The following IPP variants were observed in gnomAD, a reference collection of about 807,000 sequenced individuals.
IPP encodes the protein actin-binding protein IPP.
A neutral mutation model predicts 64.1 loss-of-function variants in IPP; 41 were observed. That is an observed-to-expected ratio of 0.64 (90% confidence interval 0.50 to 0.83). IPP has a LOEUF of 0.83. Among genes scored for constraint, IPP ranks in the 40% least tolerant of loss-of-function variants. The probability of loss-of-function intolerance (pLI) is 0.00; values close to 1 mark genes in which losing one functional copy is unlikely to be tolerated. For synonymous variants in IPP, 214 were observed against 235.2 expected, an observed-to-expected ratio of 0.91 and a Z score of 0.83; for missense variants, 649 against 703.0, an observed-to-expected ratio of 0.92 and a Z score of 0.87.
intron 7 of IPP, among the ~76,000 whole-genome samples, chr1:45,715,584 T>C (rs1440224494): frequency 1.3e-5 from 2 of 150,508 alleles, no homozygotes; most frequent in Non-Finnish European, 2.9e-5. Context: ...GAGCTTGCAC[T>C]GAGCCAAGAT....
chr1:45,699,956 G>T lies in IPP; in HGVS notation c.*10C>A. On this transcript the variant is annotated 3_prime_UTR_variant, in exon 9 of 9. Coordinates refer to ENST00000396478, the MANE Select transcript of IPP (RefSeq NM_005897.3). Reference sequence around the variant, plus strand: ...CAAAATGTTCCTTGTGCTCTGTTATGCTTTATATTTCATAGCACAGCAACG... The same window carrying T: ...CAAAATGTTCCTTGTGCTCTGTTATTCTTTATATTTCATAGCACAGCAACG... The T allele has an allele frequency of 6.2e-7, 1 of 1,613,880 alleles. No homozygotes were observed. Among genetic ancestry groups the T allele is most frequent in the African/African-American group, 1.3e-5 (1 of 75,056 alleles).
intron 3 of IPP, among the ~76,000 whole-genome samples, chr1:45,734,341 C>T (rs1270424553): frequency 6.6e-6 from 1 of 151,894 alleles, no homozygotes; most frequent in Non-Finnish European, 1.5e-5. Flanking sequence ...GTTATTACTT[C>T]AGTTTCTTCT....
rs1232768769 is a variant in IPP, at chr1:45,716,976, A to G, written c.1228T>C (p.Phe410Leu). ...GAEIGNTIER[F>L]DPDENKWEVV... ...TCCCATTTATTTTCATCAGGATCAAATCGTTCAATGGTGTTCCCTATCTCA... is the reference window on the plus strand; with the variant it reads ...TCCCATTTATTTTCATCAGGATCAAGTCGTTCAATGGTGTTCCCTATCTCA... The change falls in exon 7 of 9, where the codon TTT becomes CTT. Residue 410 changes from phenylalanine (F) to leucine (L), a missense_variant. By Grantham distance (22) the Phe-to-Leu change is conservative (BLOSUM62 0). Transcript: ENST00000396478. The G allele has an allele frequency of 1.2e-6, 2 of 1,613,452 alleles. No homozygotes were observed. Among genetic ancestry groups the G allele is most frequent in the African/African-American group, 2.7e-5 (2 of 75,024 alleles).
chr1:45,732,468 C>T (rs1645923660), intron 3 of IPP, among the ~76,000 whole-genome samples: 1 of 149,570 alleles, frequency 6.7e-6, no homozygotes, highest in Admixed American at 6.7e-5. Flanking sequence ...AATGAAATGA[C>T]AGTATTGTAG....
intron 3 of IPP, among the ~76,000 whole-genome samples, chr1:45,736,175 C>A (rs936500211): frequency 6.6e-6 from 1 of 151,628 alleles, no homozygotes; most frequent in Non-Finnish European, 1.5e-5. Context: ...CCAGGCTAGT[C>A]TCAAACTCCT....
intron 1 of IPP, among the ~76,000 whole-genome samples, chr1:45,750,090 C>G (rs1016499178): frequency 3.3e-5 from 5 of 152,092 alleles, no homozygotes; most frequent in Non-Finnish European, 5.9e-5. Flanking sequence ...TAGAAATGCC[C>G]AGAGGAACTA....
downstream of IPP, among the ~76,000 whole-genome samples, chr1:45,697,548 G>A (rs1334355633): frequency 2.0e-5 from 3 of 151,982 alleles, no homozygotes; most frequent in Non-Finnish European, 4.4e-5. Flanking sequence ...CACGGTGCCC[G>A]GCCTAAACCA....
At chr1:45,725,044 C>T (rs1645795414) in intron 5 of IPP, among the ~76,000 whole-genome samples, 1 of 148,334 alleles carries the variant, frequency 6.7e-6, no homozygotes. Flanking sequence ...CCCGGCCAGC[C>T]GCCCCGTCCG....
At chr1:45,735,289 G>C (rs1645962060) in intron 3 of IPP, among the ~76,000 whole-genome samples, 1 of 151,664 alleles carries the variant, frequency 6.6e-6, no homozygotes, top group Admixed American at 6.6e-5. Flanking sequence ...TCACCATATT[G>C]GCCAGGCTGG....
chr1:45,729,593 CT>C lies in IPP; in HGVS notation c.880+20del. ...TGGAACACAAATATAATTTCTATTA[CT>C]TTTTTAAGGGCTCTCTCACCTACTG... On this transcript the variant is annotated intron_variant, in intron 4 of 8. Coordinates refer to ENST00000396478, the MANE Select transcript of IPP (RefSeq NM_005897.3). 2 of 1,586,688 alleles carry C rather than the reference CT, an allele frequency of 1.3e-6. No individual in the cohort carries two copies. Among genetic ancestry groups the C allele is most frequent in the South Asian group, 1.1e-5 (1 of 87,920 alleles).
At chr1:45,716,479 A>T (rs1023832584) in intron 7 of IPP, among the ~76,000 whole-genome samples, 1 of 152,188 alleles carries the variant, frequency 6.6e-6, no homozygotes, top group African/African-American at 2.4e-5. Context: ...TCCTAACCTC[A>T]GGTGATCCTC....
At chr1:45,697,956 TAA>T (rs1312752820), downstream of IPP, 22 of 120,392 alleles carry the variant, frequency 1.8e-4, no homozygotes, top group Non-Finnish European at 2.1e-4. Flanking sequence ...AGACTCCATC[TAA>T]AAAAAAAAAA....
At chr1:45,727,987 G>A (rs1645854525) in intron 4 of IPP, among the ~76,000 whole-genome samples, 189 bp from the exon 5 acceptor site, 2 of 152,094 alleles carry the variant, frequency 1.3e-5, no homozygotes, top group Admixed American at 6.6e-5. Flanking sequence ...GTTAGCCTCA[G>A]TGTTTTACCA....
chr1:45,749,745 C>T (rs1646194602), intron 1 of IPP, among the ~76,000 whole-genome samples: 1 of 151,922 alleles, frequency 6.6e-6, no homozygotes, highest in South Asian at 2.1e-4. Flanking sequence ...TGGTCTCGAT[C>T]TCCTGACCTC....
At chr1:45,706,995 C>T (rs1433663973) in intron 8 of IPP, among the ~76,000 whole-genome samples, 1 of 152,176 alleles carries the variant, frequency 6.6e-6, no homozygotes, top group Non-Finnish European at 1.5e-5. Context: ...GTACTAGTTA[C>T]TCAGGAGGCT....
chr1:45,703,636 T>A (rs1326447700), intron 8 of IPP, among the ~76,000 whole-genome samples: 1 of 152,084 alleles, frequency 6.6e-6, no homozygotes, highest in Non-Finnish European at 1.5e-5. Flanking sequence ...TAATTTAACC[T>A]GGTTTAACCC....
At chr1:45,694,473 A>G (rs1380244030), downstream of IPP, 5 of 1,546,118 alleles carry the variant, frequency 3.2e-6, no homozygotes, top group Admixed American at 2.0e-5. Context: ...AAGAATGCAC[A>G]TATTCTCCCA....
intron 4 of IPP, among the ~76,000 whole-genome samples, chr1:45,728,163 TGTGTG>T (rs1340959573): frequency 2.6e-5 from 4 of 151,130 alleles, no homozygotes; most frequent in African/African-American, 7.3e-5. Context: ...TGTGTGTGTG[TGTGTG>T]TGTGTTTGAG....
rs181934293 is a variant in IPP, at chr1:45,704,299, G to C, written c.1531-4109C>G. On this transcript the variant is annotated intron_variant, in intron 8 of 8. Transcript: ENST00000396478. ...GTCACGCAGGCTGGAGTGCAGTGGCGTGATCTTGGCTCACTGCAGCCTCGG... is the reference window on the plus strand; with the variant it reads ...GTCACGCAGGCTGGAGTGCAGTGGCCTGATCTTGGCTCACTGCAGCCTCGG... Among the ~76,000 whole-genome samples, 5 of 151,584 alleles carry C rather than the reference G, an allele frequency of 3.3e-5. No homozygotes were observed. The East Asian group carries it at 9.7e-4, about 29-fold the overall frequency.
Sources: allele counts gnomAD v4.1 joint callset (sites outside exome capture counted in the v4.1 genomes callset), GRCh38; gene constraint gnomAD v4.1.1; transcripts MANE v1.5; gene names NCBI Gene and HGNC (gene_info 2026-07-23, HGNC 2026-07-21).